Variants in VPS41 observed in about 807,000 individuals in gnomAD.
VPS41 encodes the protein VPS41 subunit of HOPS complex, also known as vacuolar protein sorting-associated protein 41 homolog.
Under a neutral mutation model 130.9 loss-of-function variants are expected in VPS41, and 85 were observed. The ratio of observed to expected loss-of-function variants is 0.65; its 90% CI spans 0.55 to 0.78. The LOEUF is 0.78. Ranked by LOEUF, VPS41 falls within the 30% of genes least tolerant of loss-of-function variation. The pLI is 0.00. For missense variants in VPS41, 874 were observed against 1,018.7 expected (o/e 0.86, Z 1.93); for synonymous variants, 335 against 332.9 (o/e 1.01, Z -0.07).
chr7:38,893,897 T>C (rs1786920742), intron 2 of VPS41, among the ~76,000 whole-genome samples: 1 of 152,228 alleles, frequency 6.6e-6, no homozygotes, highest in South Asian at 2.1e-4. Flanking sequence ...GGCCAGTTTT[T>C]GGTAGACAAT....
At chr7:38,844,197 A>T (rs992301892) in intron 4 of VPS41, among the ~76,000 whole-genome samples, 1 of 152,242 alleles carries the variant, frequency 6.6e-6, no homozygotes, top group African/African-American at 2.4e-5. Context: ...CAGTCTATTG[A>T]ACTGCAGACG....
intron 14 of VPS41, among the ~76,000 whole-genome samples, chr7:38,768,306 T>C (rs1784087650): frequency 1.3e-5 from 2 of 152,200 alleles, no homozygotes; most frequent in Non-Finnish European, 2.9e-5. Context: ...AAAAGTATTT[T>C]CACCAGAAGC....
intron 1 of VPS41, among the ~76,000 whole-genome samples, chr7:38,904,287 T>G (rs942448219): frequency 3.3e-5 from 5 of 152,184 alleles, no homozygotes; most frequent in African/African-American, 7.2e-5. Context: ...TGAAGTGGCC[T>G]CTAGCCGACC....
intron 3 of VPS41, among the ~76,000 whole-genome samples, chr7:38,863,349 C>T (rs529689593): frequency 6.6e-6 from 1 of 152,036 alleles, no homozygotes; most frequent in East Asian, 1.9e-4. Context: ...AGTTTTCTTC[C>T]TTTTTATTTA....
At chr7:38,744,117 G>A (rs924313574) in intron 23 of VPS41, among the ~76,000 whole-genome samples, 1 of 152,186 alleles carries the variant, frequency 6.6e-6, no homozygotes, top group African/African-American at 2.4e-5. Flanking sequence ...ACGTTCAGGG[G>A]AAGGCCTTTC....
At chr7:38,751,114 A>G (rs531366414) in intron 22 of VPS41, among the ~76,000 whole-genome samples, 1 of 152,286 alleles carries the variant, frequency 6.6e-6, no homozygotes, top group East Asian at 1.9e-4. Flanking sequence ...GGCAGGCAAG[A>G]TTTTTTTCAA....
intron 1 of VPS41, among the ~76,000 whole-genome samples, chr7:38,907,577 T>A (rs1037157201): frequency 3.9e-5 from 6 of 152,342 alleles, no homozygotes; most frequent in African/African-American, 1.2e-4. Flanking sequence ...GAAGGGTTTT[T>A]AAAACTAGAA....
intron 4 of VPS41, among the ~76,000 whole-genome samples, chr7:38,837,010 T>C (rs900758258): frequency 2.6e-5 from 4 of 152,238 alleles, no homozygotes; most frequent in East Asian, 3.8e-4. Context: ...TACTAAGAAA[T>C]AGAAATTATC....
At chr7:38,906,504 A>C (rs1787267560) in intron 1 of VPS41, among the ~76,000 whole-genome samples, 1 of 151,970 alleles carries the variant, frequency 6.6e-6, no homozygotes, top group Non-Finnish European at 1.5e-5. Context: ...ATGCCTGGCT[A>C]ATTTTTGTAA....
At chr7:38,762,749 C>T (rs1783947149) in intron 17 of VPS41, among the ~76,000 whole-genome samples, 1 of 152,134 alleles carries the variant, frequency 6.6e-6, no homozygotes, top group Non-Finnish European at 1.5e-5. Context: ...GAAGGTAAAA[C>T]ATGAACTATT....
intron 2 of VPS41, among the ~76,000 whole-genome samples, chr7:38,894,767 G>C (rs2116427623): frequency 6.6e-6 from 1 of 152,202 alleles, no homozygotes; most frequent in South Asian, 2.1e-4. Context: ...TCCACCTCCA[G>C]TTCTTTAGCA....
At chr7:38,758,203 C>G in intron 18 of VPS41, 151 bp downstream of exon 18, 1 of 665,306 alleles carries the variant, frequency 1.5e-6, no homozygotes, top group Admixed American at 3.1e-5. Context: ...ATCGCCTACT[C>G]ATTTGAGGTT....
chr7:38,892,502 C>T (rs1458276222), intron 2 of VPS41, among the ~76,000 whole-genome samples: 25 of 152,246 alleles, frequency 1.6e-4, no homozygotes, highest in Admixed American at 1.5e-3. Flanking sequence ...ACTTCTCACA[C>T]GATACTTGTT....
At chr7:38,888,613 TCAA>T (rs1786786524) in intron 2 of VPS41, among the ~76,000 whole-genome samples, 1 of 152,030 alleles carries the variant, frequency 6.6e-6, no homozygotes, top group South Asian at 2.1e-4. Flanking sequence ...ATCAGACACA[TCAA>T]CGAGACAGAA....
Position 38,756,924 on chromosome 7 carries a change from T to C in VPS41, c.1609A>G (p.Lys537Glu), listed in dbSNP as rs1219822149. The C allele has an allele frequency of 1.3e-6, 2 of 1,599,486 alleles. No homozygotes were observed. Among genetic ancestry groups the C allele is most frequent in the East Asian group, 2.2e-5 (1 of 44,608 alleles). Residue 537 changes from lysine to glutamate, a missense_variant, in exon 19 of 29, where the codon AAA (lysine) becomes GAA (glutamate). Physicochemically the swap from Lys to Glu is moderately conservative, Grantham distance 56. Transcript: ENST00000310301. ...TTGTGGATCAACTGAAAAACGTCTT[T>C]ATGTCTTAATGTTAAGTATATTTCC... ...ALEIYLTLRH[K>E]DVFQLIHKHN...
In VPS41 at chr7:38,724,241, C is replaced by G. The variant is rs1296311964; in HGVS notation, c.*2005G>C. On this transcript the variant is annotated 3_prime_UTR_variant, in exon 29 of 29. Coordinates refer to ENST00000310301, the MANE Select transcript of VPS41 (RefSeq NM_014396.4). ...ATGACTTCACTGAAATTAGCAAATC[C>G]TATTGATGATCTTAAAGTAAACTTT... The G allele has an allele frequency of 6.6e-6, 1 of 152,144 alleles. No individual in the cohort carries two copies. The highest frequency in any genetic ancestry group is 1.5e-5 in the Non-Finnish European group (1 of 68,044). 9.4% of individuals were successfully genotyped at this position (152,144 alleles called of 1,614,324 possible).
intron 3 of VPS41, among the ~76,000 whole-genome samples, chr7:38,863,208 C>T (rs1233731052): frequency 1.3e-5 from 2 of 151,924 alleles, no homozygotes; most frequent in Non-Finnish European, 1.5e-5. Context: ...AAATAAAAAC[C>T]CTTTTGTGTT....
chr7:38,846,828 C>T (rs1042078568), intron 4 of VPS41, among the ~76,000 whole-genome samples: 6 of 151,902 alleles, frequency 3.9e-5, no homozygotes, highest in African/African-American at 4.8e-5. Flanking sequence ...AGAGGATATA[C>T]GGGGAATAAT....
intron 1 of VPS41, among the ~76,000 whole-genome samples, chr7:38,898,491 A>C (rs1787064044): frequency 6.6e-6 from 1 of 152,248 alleles, no homozygotes; most frequent in Non-Finnish European, 1.5e-5. Context: ...TGTTATCTAC[A>C]AGCCAATTTT....
Sources: gnomAD v4.1 joint callset for allele counts (sites outside exome capture counted in the v4.1 genomes callset) on GRCh38, gnomAD v4.1.1 for gene constraint, MANE v1.5 for transcripts, NCBI Gene and HGNC (gene_info 2026-07-23, HGNC 2026-07-21) for gene names.